Variants in CMSS1 observed in about 807,000 individuals in gnomAD.
CMSS1 encodes the protein cms1 ribosomal small subunit homolog.
In CMSS1, 33 loss-of-function variants were observed where a neutral mutation model predicts 43.5. The observed-to-expected ratio is 0.76, with a 90% CI of 0.57 to 1.01. The LOEUF (loss-of-function observed/expected upper bound fraction) is 1.01, where lower values mean the gene tolerates loss of function less well. CMSS1 is among the 50% of genes least tolerant of loss of function. CMSS1 has a pLI of 0.00. For missense variants in CMSS1, 313 were observed against 326.4 expected, an observed-to-expected ratio of 0.96 and a Z score of 0.32; for synonymous variants, 115 against 117.2, an observed-to-expected ratio of 0.98 and a Z score of 0.12.
At chr3:99,933,509 T>TA (rs989242089) in intron 1 of CMSS1, among the ~76,000 whole-genome samples, 6 of 152,238 alleles carry the variant, frequency 3.9e-5, no homozygotes, top group Admixed American at 2.0e-4. Context: ...ATGTGCTTTA[T>TA]AAAAAACATT....
chr3:100,117,528 C>G (rs1047535679), intron 1 of CMSS1, among the ~76,000 whole-genome samples: 1 of 151,852 alleles, frequency 6.6e-6, no homozygotes, highest in African/African-American at 2.4e-5. Context: ...TGCAAACTCT[C>G]CTATAGAACT....
intron 6 of CMSS1, among the ~76,000 whole-genome samples, chr3:100,169,029 C>T (rs553732040): frequency 6.6e-6 from 1 of 152,062 alleles, no homozygotes; most frequent in East Asian, 1.9e-4. Context: ...GGATCAGACC[C>T]AAATGCATAT....
intron 1 of CMSS1, among the ~76,000 whole-genome samples, chr3:100,057,021 G>T (rs941657283): frequency 2.6e-5 from 4 of 151,988 alleles, no homozygotes; most frequent in African/African-American, 9.7e-5. Context: ...AAAGAATTGG[G>T]CAAGTGATTT....
rs542473812 is a variant in CMSS1 at position 100,123,371 on chromosome 3, G to A, written c.65-23602G>A. Among the ~76,000 whole-genome samples the A allele has an allele frequency of 3.3e-5, 5 of 152,224 alleles. No homozygotes were observed. The South Asian group carries it at 6.2e-4, about 19-fold the overall frequency. ...GGCTGGGGTATTGTGAGCCAAAGAG[G>A]AGGCAGTGGGATTGAAGGAGGAATT... On this transcript the variant is annotated intron_variant, in intron 1 of 9. Coordinates refer to ENST00000421999, the MANE Select transcript of CMSS1 (RefSeq NM_032359.4).
chr3:100,120,708 G>A (rs1401661032), intron 1 of CMSS1, among the ~76,000 whole-genome samples: 1 of 150,662 alleles, frequency 6.6e-6, no homozygotes, highest in Non-Finnish European at 1.5e-5. Flanking sequence ...GTGTTCTGAT[G>A]TAGGGCTGAG....
chr3:99,883,302 AC>A (rs1232408206), intron 1 of CMSS1, among the ~76,000 whole-genome samples: 11 of 152,166 alleles, frequency 7.2e-5, no homozygotes, highest in African/African-American at 2.7e-4. Context: ...TCTTTCCATG[AC>A]ACCATGTTGA....
intron 1 of CMSS1, among the ~76,000 whole-genome samples, chr3:99,990,519 A>G (rs1709480798): frequency 6.6e-6 from 1 of 152,214 alleles, no homozygotes; most frequent in Non-Finnish European, 1.5e-5. Flanking sequence ...TATTAAATGA[A>G]TATCTATTAT....
chr3:100,137,982 AC>A (rs575028250), intron 1 of CMSS1, among the ~76,000 whole-genome samples: 9 of 152,242 alleles, frequency 5.9e-5, no homozygotes, highest in Admixed American at 1.3e-4. Flanking sequence ...TGGTACTGGT[AC>A]AAAAACAGAC....
At chr3:99,859,267 G>C (rs536040899) in intron 1 of CMSS1, among the ~76,000 whole-genome samples, 1 of 152,304 alleles carries the variant, frequency 6.6e-6, no homozygotes, top group East Asian at 1.9e-4. Context: ...CTTGCTATTT[G>C]TCAGTTCTTT....
intron 4 of CMSS1, among the ~76,000 whole-genome samples, chr3:100,163,287 A>G (rs2067040684): frequency 6.6e-6 from 1 of 152,182 alleles, no homozygotes; most frequent in Non-Finnish European, 1.5e-5. Flanking sequence ...CTTAATAAGC[A>G]ATTTAGTTTT....
At chr3:99,953,601 T>G (rs983398503) in intron 1 of CMSS1, among the ~76,000 whole-genome samples, 1 of 152,198 alleles carries the variant, frequency 6.6e-6, no homozygotes. Context: ...ATCCAACCAG[T>G]CTTTTCTAAG....
At chr3:99,968,562 G>A (rs2107713587) in intron 1 of CMSS1, among the ~76,000 whole-genome samples, 1 of 152,278 alleles carries the variant, frequency 6.6e-6, no homozygotes, top group East Asian at 1.9e-4. Flanking sequence ...CCCCATATCA[G>A]TGGTGTTTAA....
rs75346071 is a variant in CMSS1, at chr3:100,112,466, C to T, written c.65-34507C>T. On this transcript the variant is annotated intron_variant, in intron 1 of 9. Coordinates refer to ENST00000421999, the MANE Select transcript of CMSS1 (RefSeq NM_032359.4). The stretch of plus-strand genomic sequence containing the variant: ...AAAATATCTTCATTTCCAGTGCCAG[C>T]GCCACTACCTAAGACCAAGTCTTGA... Among the ~76,000 whole-genome samples the T allele has an allele frequency of 1.1e-3, 174 of 152,208 alleles. 7 individuals are homozygous for T. In the East Asian group the frequency reaches 0.031, roughly 27 times the overall value.
chr3:99,849,231 G>T, intron 1 of CMSS1: 1 of 1,614,186 alleles, frequency 6.2e-7, no homozygotes, highest in Non-Finnish European at 8.5e-7. Flanking sequence ...CCAGAGGAAT[G>T]AGGCTCTTGT....
At chr3:99,949,515 G>A (rs1316306346) in intron 1 of CMSS1, among the ~76,000 whole-genome samples, 2 of 152,106 alleles carry the variant, frequency 1.3e-5, no homozygotes, top group African/African-American at 4.8e-5. Flanking sequence ...AATTTTACTC[G>A]CAGTACGTTT....
chr3:99,876,765 T>C (rs1705546883), intron 1 of CMSS1, among the ~76,000 whole-genome samples: 1 of 152,148 alleles, frequency 6.6e-6, no homozygotes, highest in African/African-American at 2.4e-5. Flanking sequence ...CCAGATGAAA[T>C]CTTATTTTTT....
intron 1 of CMSS1, among the ~76,000 whole-genome samples, chr3:100,125,277 A>C (rs2066654456): frequency 1.3e-5 from 2 of 152,226 alleles, no homozygotes; most frequent in Non-Finnish European, 2.9e-5. Context: ...ACTTCACTGA[A>C]GAGCTCTGTG....
intron 7 of CMSS1, 119 bp from the exon 8 acceptor site, chr3:100,172,197 C>T: frequency 1.1e-6 from 1 of 879,864 alleles, no homozygotes; most frequent in South Asian, 1.7e-5. Flanking sequence ...CGACCCTACA[C>T]AAGGGTAGCT....
intron 1 of CMSS1, among the ~76,000 whole-genome samples, chr3:99,925,442 C>T (rs1327702490): frequency 6.6e-6 from 1 of 152,104 alleles, no homozygotes; most frequent in African/African-American, 2.4e-5. Context: ...GAGTGCCTTG[C>T]TTATAAGAGG....
Sources: allele counts gnomAD v4.1 joint callset (sites outside exome capture counted in the v4.1 genomes callset), GRCh38; gene constraint gnomAD v4.1.1; transcripts MANE v1.5; gene names NCBI Gene and HGNC (gene_info 2026-07-23, HGNC 2026-07-21).